The following MRM1 variants were observed in gnomAD, a reference collection of about 807,000 sequenced individuals.
MRM1 encodes rRNA methyltransferase 1, mitochondrial.
Under a neutral mutation model 25.0 loss-of-function variants are expected in MRM1, and 24 were observed. The ratio of observed to expected loss-of-function variants is 0.96; its 90% CI spans 0.69 to 1.35. The LOEUF is 1.35. Ranked by LOEUF, MRM1 falls within the 40% of genes most tolerant of loss-of-function variation. MRM1 has a pLI of 0.00. For missense variants in MRM1, 431 were observed against 464.1 expected, an observed-to-expected ratio of 0.93 and a Z score of 0.65; for synonymous variants, 188 against 199.2, an observed-to-expected ratio of 0.94 and a Z score of 0.47.
the MRM1 span, among the ~76,000 whole-genome samples, chr17:36,623,625 G>T: frequency 6.6e-6 from 1 of 152,196 alleles, no homozygotes; most frequent in African/African-American, 2.4e-5. Flanking sequence ...GAAGGGGAGG[G>T]TGGGGGCACT....
intron 2 of MRM1, among the ~76,000 whole-genome samples, chr17:36,605,069 G>C (rs914200057): frequency 2.6e-5 from 4 of 151,956 alleles, no homozygotes; most frequent in African/African-American, 9.7e-5. Context: ...GAATCCAGGA[G>C]GCGGAGGTTG....
the MRM1 span, among the ~76,000 whole-genome samples, chr17:36,630,522 G>T: frequency 6.6e-6 from 1 of 152,176 alleles, no homozygotes; most frequent in Non-Finnish European, 1.5e-5. Flanking sequence ...CTTTTCAGGG[G>T]ACCTCTTCTC....
the MRM1 span, among the ~76,000 whole-genome samples, chr17:36,628,434 C>T: frequency 4.6e-5 from 7 of 152,198 alleles, no homozygotes; most frequent in South Asian, 1.2e-3. Flanking sequence ...GCTGGGCTTC[C>T]GGAGGGGAAG....
chr17:36,624,760 C>G, the MRM1 span, among the ~76,000 whole-genome samples: 3 of 152,266 alleles, frequency 2.0e-5, no homozygotes, highest in African/African-American at 7.2e-5. This position sits in a 1 kb window ranked among gnomAD's most constrained non-coding sequence, Gnocchi z 4.0. Context: ...TCTTCTTTTC[C>G]CAGGTCTCGT....
At chr17:36,625,338 C>CTTCTTCT in the MRM1 span, among the ~76,000 whole-genome samples, 2,110 of 151,716 alleles carry the variant, frequency 0.014, 42 homozygotes, top group African/African-American at 0.043. Context: ...CCTTCTCCTT[C>CTTCTTCT]GCCTTCTTCT....
chr17:36,625,067 T>C, the MRM1 span, among the ~76,000 whole-genome samples: 1 of 152,286 alleles, frequency 6.6e-6, no homozygotes, highest in African/African-American at 2.4e-5. Context: ...GAAAAAGGCT[T>C]TGTAAAGTCT....
Position 36,608,758 on chromosome 17 carries a change from G to A in MRM1, c.*343G>A, listed in dbSNP as rs571955706. The A allele has an allele frequency of 3.4e-4, 83 of 246,502 alleles. No homozygotes were observed. The highest frequency in any genetic ancestry group is 1.8e-3 in the African/African-American group (81 of 44,756). The allele number at this position is 246,502 out of a possible 1,614,324, so 15.3% of individuals were successfully genotyped here. A position where few individuals can be genotyped will look rare whatever the true frequency, so the allele number is the denominator to read the frequency against. On this transcript the variant is annotated 3_prime_UTR_variant, in exon 5 of 5. Coordinates refer to ENST00000614766, the MANE Select transcript of MRM1 (RefSeq NM_024864.5). ...CCAGCCCAGGGGACCCGTTCCTCTT[G>A]AACCAGTCATTGCCTGTGGCAAATG... is the stretch of plus-strand genomic sequence containing the variant.
At position 36,602,733 on chromosome 17, in the gene MRM1, A is replaced by T; in HGVS notation, c.636+87A>T. 1 of 1,493,332 alleles carries T rather than the reference A, an allele frequency of 6.7e-7. No individual in the cohort carries two copies. The highest frequency in any genetic ancestry group is 9.3e-7 in the Non-Finnish European group (1 of 1,075,616). 92.5% of individuals were successfully genotyped at this position (1,493,332 alleles called of 1,614,324 possible). The stretch of plus-strand genomic sequence containing the variant: ...GAAGCTAGCCCCTGGCGAGGGAGAG[A>T]AAGGGGCATGTTGGCACCGCTTCCT... On this transcript the variant is annotated intron_variant, in intron 2 of 4. Coordinates refer to ENST00000614766, the MANE Select transcript of MRM1 (RefSeq NM_024864.5). This position sits in a 1 kb window ranked among gnomAD's most constrained non-coding sequence, Gnocchi z 4.1.
chr17:36,602,265 G>A lies in MRM1; in HGVS notation c.455G>A (p.Gly152Glu). ...DPQQLWLVLD[G>E]IQDPRNFGAV... is the part of the protein sequence containing the mutation. ...CAGCAGTTGTGGCTCGTCCTCGATG[G>A]GATCCAGGATCCCCGGAATTTTGGG... Residue 152 changes from glycine to glutamate, a missense_variant, in exon 1 of 5, where the codon GGG (glycine) becomes GAG (glutamate). Gly to Glu is a moderately conservative substitution (Grantham distance 98). Coordinates refer to ENST00000614766, the MANE Select transcript of MRM1 (RefSeq NM_024864.5). The surrounding 1 kb of genome is among the most constrained non-coding windows in gnomAD (Gnocchi z 4.1). 6.2e-7 allele frequency: 1 copy of A among 1,604,154 alleles called. No individual in the cohort carries two copies. Among genetic ancestry groups the A allele is most frequent in the Non-Finnish European group, 8.5e-7 (1 of 1,173,336 alleles).
chr17:36,606,413 A>AT (rs2074928416), intron 2 of MRM1, among the ~76,000 whole-genome samples: 1 of 106,988 alleles, frequency 9.3e-6, no homozygotes, highest in African/African-American at 4.3e-5. Context: ...TCTGATGGAT[A>AT]ATTTTTTTTT....
At chr17:36,622,247 G>A in the MRM1 span, among the ~76,000 whole-genome samples, 11 of 152,250 alleles carry the variant, frequency 7.2e-5, no homozygotes, top group East Asian at 1.9e-3. Context: ...ATTTCCTTGC[G>A]ATGTTAGATT....
chr17:36,621,113 GC>G, the MRM1 span, among the ~76,000 whole-genome samples: 1 of 152,134 alleles, frequency 6.6e-6, no homozygotes, highest in Non-Finnish European at 1.5e-5. Context: ...GGGGCCTGGA[GC>G]CTGGCAGGTG....
chr17:36,625,206 AC>A, the MRM1 span, among the ~76,000 whole-genome samples: 1 of 151,986 alleles, frequency 6.6e-6, no homozygotes, highest in African/African-American at 2.4e-5. Context: ...ATCATGGCCT[AC>A]CCCTGCTCAG....
At chr17:36,630,782 A>T in the MRM1 span, among the ~76,000 whole-genome samples, 1 of 152,088 alleles carries the variant, frequency 6.6e-6, no homozygotes, top group Non-Finnish European at 1.5e-5. Flanking sequence ...AAGGTCTGGG[A>T]GGAGGAAGTT....
chr17:36,616,178 C>G, the MRM1 span, among the ~76,000 whole-genome samples: 1 of 152,198 alleles, frequency 6.6e-6, no homozygotes, highest in East Asian at 1.9e-4. Context: ...CAGGCACGTG[C>G]TGGGTGTTTC....
At chr17:36,629,114 C>A in the MRM1 span, among the ~76,000 whole-genome samples, 1 of 152,060 alleles carries the variant, frequency 6.6e-6, no homozygotes, top group Non-Finnish European at 1.5e-5. Context: ...AAATTATGGC[C>A]GATTTAGAAA....
chr17:36,603,032 G>T, intron 2 of MRM1: 1 of 984,772 alleles, frequency 1.0e-6, no homozygotes, highest in Non-Finnish European at 1.2e-6. Flanking sequence ...TGAACAAGAA[G>T]ATCTTTATGC....
rs377624988 is a variant in MRM1, at chr17:36,608,292, G to T, written c.939G>T (p.Glu313Asp). 4.4e-6 allele frequency: 7 copies of T among 1,605,394 alleles called. No individual in the cohort carries two copies. In the African/African-American group the frequency reaches 8.1e-5, roughly 18 times the overall value. ...GCCAGAGGAAGGGTTTCCCCACAGA[G>T]GGGGAGAGAAGGCAGCTTCTCCAAG... ...ICSQRKGFPT[E>D]GERRQLLQDP... Residue 313 changes from glutamate to aspartate, a missense_variant, in exon 5 of 5, where the codon GAG (glutamate) becomes GAT (aspartate). Glu to Asp is a conservative substitution (Grantham distance 45, BLOSUM62 2). Coordinates refer to ENST00000614766, the MANE Select transcript of MRM1 (RefSeq NM_024864.5).
chr17:36,627,674 G>GTTTTTT, the MRM1 span, among the ~76,000 whole-genome samples: 38 of 83,718 alleles, frequency 4.5e-4, 2 homozygotes, highest in African/African-American at 1.4e-3. Flanking sequence ...TTTGGACACT[G>GTTTTTT]TTTTTTTTTT....
Sources: allele counts gnomAD v4.1 joint callset (sites outside exome capture counted in the v4.1 genomes callset), GRCh38; gene constraint gnomAD v4.1.1; non-coding constraint Gnocchi (gnomAD v3.1); transcripts MANE v1.5; gene names NCBI Gene and HGNC (gene_info 2026-07-23, HGNC 2026-07-21).